Variants in TNIK observed in about 807,000 individuals in gnomAD.
The protein encoded by TNIK is TRAF2 and NCK interacting kinase, also known as TRAF2 and NCK-interacting protein kinase.
Under a neutral mutation model 191.3 loss-of-function variants are expected in TNIK, and 49 were observed. The ratio of observed to expected loss-of-function variants is 0.26; its 90% CI spans 0.20 to 0.32. The LOEUF (loss-of-function observed/expected upper bound fraction) is 0.32, where lower values mean the gene tolerates loss of function less well. Among genes scored for constraint, TNIK ranks in the 10% least tolerant of loss-of-function variants. The pLI is 1.00. For missense variants in TNIK, 1,155 were observed against 1,702.3 expected (o/e 0.68, Z 5.66); for synonymous variants, 594 against 600.9 (o/e 0.99, Z 0.17).
At chr3:171,271,868 C>T (rs1749147463) in intron 2 of TNIK, among the ~76,000 whole-genome samples, 1 of 152,168 alleles carries the variant, frequency 6.6e-6, no homozygotes, top group African/African-American at 2.4e-5. Context: ...AACTAAGTTC[C>T]AATTATGTTT....
chr3:171,326,469 A>G (rs967079190), intron 2 of TNIK, among the ~76,000 whole-genome samples: 4 of 150,210 alleles, frequency 2.7e-5, no homozygotes, highest in African/African-American at 9.7e-5. Context: ...AAAGAAAAAA[A>G]CTCCCACTGA....
chr3:171,342,843 T>C lies in TNIK; in HGVS notation c.123+26777A>G, dbSNP rs2108406942. ...TCCCCTCATGTCATGGGGGACCCAG[T>C]GGGAGGTAACTGAATCATGGGTGTT... On this transcript the variant is annotated intron_variant, in intron 2 of 32. Coordinates refer to ENST00000436636, the MANE Select transcript of TNIK (RefSeq NM_015028.4). 2.0e-5 allele frequency among the ~76,000 whole-genome samples: 3 copies of C among 152,224 alleles called. 1 individual carries two copies. In the South Asian group the frequency reaches 6.2e-4, roughly 32 times the overall value.
chr3:171,187,229 G>C (rs964955665), intron 7 of TNIK, among the ~76,000 whole-genome samples: 12 of 152,288 alleles, frequency 7.9e-5, no homozygotes, highest in Middle Eastern at 3.4e-3. Context: ...TGTATATTTT[G>C]TAGTGGCTTC....
At position 171,126,162 on chromosome 3, in the gene TNIK, AAAC is replaced by A. The variant is rs755743603; in HGVS notation, c.1774-14_1774-12del. 1.3e-6 allele frequency: 2 copies of A among 1,522,986 alleles called. No individual in the cohort carries two copies. Among genetic ancestry groups the A allele is most frequent in the Non-Finnish European group, 1.8e-6 (2 of 1,138,684 alleles). The allele number at this position is 1,522,986 out of a possible 1,614,324, so 94.3% of individuals were successfully genotyped here. A position where few individuals can be genotyped will look rare whatever the true frequency, so the allele number is the denominator to read the frequency against. On this transcript the variant is annotated splice_polypyrimidine_tract_variant and intron_variant, in intron 16 of 32. Transcript: ENST00000436636. The stretch of plus-strand genomic sequence containing the variant: ...TACCAGATGTGGGATCTAAGCATCA[AAAC>A]AACATGAAAACAGCACTATTAGAAG...
chr3:171,177,315 A>G lies in TNIK; in HGVS notation c.694+11T>C. The G allele has an allele frequency of 6.2e-7, 1 of 1,605,004 alleles. No homozygotes were observed. Among genetic ancestry groups the G allele is most frequent in the Non-Finnish European group, 8.5e-7 (1 of 1,175,716 alleles). On this transcript the variant is annotated intron_variant, in intron 8 of 32. Transcript: ENST00000436636. ...CCAGCAACAGATTTCACCCCAGAGGAGGGTACTTACGGGGAGCACCTTCTG... is the reference window on the plus strand; with the variant it reads ...CCAGCAACAGATTTCACCCCAGAGGGGGGTACTTACGGGGAGCACCTTCTG...
Position 171,409,670 on chromosome 3 carries a change from G to GCCT in TNIK, c.58-39988_58-39986dup, listed in dbSNP as rs537845208. ...GATGATGAGTTTGGGCAGAAACAAA[G>GCCT]CCTGGAATGAAACCTCATTCCCGTC... On this transcript the variant is annotated intron_variant, in intron 1 of 32. Transcript: ENST00000436636. 3.5e-3 allele frequency among the ~76,000 whole-genome samples: 530 copies of GCCT among 150,902 alleles called. 2 individuals carry two copies. The highest frequency in any genetic ancestry group is 0.012 in the African/African-American group (508 of 40,986).
chr3:171,144,592 T>C (rs909409245), intron 12 of TNIK, among the ~76,000 whole-genome samples: 2 of 147,558 alleles, frequency 1.4e-5, no homozygotes, highest in Admixed American at 1.4e-4. Flanking sequence ...AATTAGCATA[T>C]CTACCATCTT....
intron 2 of TNIK, among the ~76,000 whole-genome samples, chr3:171,276,743 T>A (rs1268636465): frequency 6.6e-6 from 1 of 152,182 alleles, no homozygotes; most frequent in Non-Finnish European, 1.5e-5. Context: ...AAGTAGGGAA[T>A]CTAAAAGATA....
At chr3:171,426,770 A>G (rs1724692006) in intron 1 of TNIK, among the ~76,000 whole-genome samples, 2 of 152,062 alleles carry the variant, frequency 1.3e-5, no homozygotes, top group Admixed American at 1.3e-4. Context: ...CTTTCCCGGT[A>G]AGGCCACAGT....
intron 9 of TNIK, among the ~76,000 whole-genome samples, chr3:171,169,295 T>C (rs1018345039): frequency 1.3e-5 from 2 of 151,272 alleles, no homozygotes; most frequent in African/African-American, 4.9e-5. Flanking sequence ...TTAGATGGAG[T>C]CTTGCTCTGT....
chr3:171,369,499 A>G (rs1716194804), intron 2 of TNIK, 121 bp downstream of exon 2: 5 of 612,762 alleles, frequency 8.2e-6, no homozygotes, highest in Non-Finnish European at 1.4e-5. Context: ...TCAATCAACA[A>G]GTATATTAAT....
At chr3:171,369,488 G>T in intron 2 of TNIK, 132 bp downstream of exon 2, 1 of 567,950 alleles carries the variant, frequency 1.8e-6, no homozygotes, top group East Asian at 3.0e-5. Flanking sequence ...AAGATGGAGA[G>T]TCAATCAACA....
Position 171,372,297 on chromosome 3 carries a change from T to C in TNIK, c.58-2612A>G, listed in dbSNP as rs551528078. The stretch of plus-strand genomic sequence containing the variant: ...ACATCCAAGGGCCTCAGAAGTAAAG[T>C]TCAGAGGAACTAAAGAGTTCTACTG... On this transcript the variant is annotated intron_variant, in intron 1 of 32. Coordinates refer to ENST00000436636, the MANE Select transcript of TNIK (RefSeq NM_015028.4). Among the ~76,000 whole-genome samples the C allele has an allele frequency of 8.5e-5, 13 of 152,304 alleles. No homozygotes were observed. The South Asian group carries it at 2.5e-3, about 29-fold the overall frequency.
At chr3:171,293,611 A>G (rs1446605137) in intron 2 of TNIK, among the ~76,000 whole-genome samples, 2 of 152,234 alleles carry the variant, frequency 1.3e-5, no homozygotes, top group Non-Finnish European at 2.9e-5. Context: ...AACAGGTCTC[A>G]TGCAAAGAAC....
At chr3:171,357,248 A>G (rs1714222118) in intron 2 of TNIK, among the ~76,000 whole-genome samples, 1 of 152,142 alleles carries the variant, frequency 6.6e-6, no homozygotes, top group East Asian at 1.9e-4. Context: ...AAGCAAACCT[A>G]AACATATCTC....
At chr3:171,113,102 TAC>T (rs1391838977) in intron 18 of TNIK, among the ~76,000 whole-genome samples, 1 of 152,224 alleles carries the variant, frequency 6.6e-6, no homozygotes, top group Non-Finnish European at 1.5e-5. Context: ...ATTATTTAGG[TAC>T]AGTTTTAAAA....
At chr3:171,085,339 C>A in intron 24 of TNIK, 110 bp from the exon 25 acceptor site, 1 of 1,027,220 alleles carries the variant, frequency 9.7e-7, no homozygotes, top group Non-Finnish European at 1.4e-6. Flanking sequence ...TCAAGGTATT[C>A]AGGTGTTCAC....
intron 2 of TNIK, among the ~76,000 whole-genome samples, chr3:171,353,411 AC>A (rs1444114248): frequency 6.6e-6 from 1 of 152,206 alleles, no homozygotes; most frequent in Non-Finnish European, 1.5e-5. Flanking sequence ...GTAAGTGCTT[AC>A]TTTATGATGT....
At chr3:171,083,455 G>T (rs1474473794) in intron 26 of TNIK, among the ~76,000 whole-genome samples, 2 of 152,130 alleles carry the variant, frequency 1.3e-5, no homozygotes, top group African/African-American at 4.8e-5. Flanking sequence ...GTACACAGGG[G>T]ACATGTCCTT....
Sources: gnomAD v4.1 joint callset for allele counts (sites outside exome capture counted in the v4.1 genomes callset) on GRCh38, gnomAD v4.1.1 for gene constraint, MANE v1.5 for transcripts, NCBI Gene and HGNC (gene_info 2026-07-23, HGNC 2026-07-21) for gene names.